ABI3BP: variants seen among roughly 807,000 people sequenced by gnomAD.
ABI3BP encodes the protein ABI family member 3 binding protein.
ABI3BP carries 216 observed loss-of-function variants against 268.6 expected under a neutral mutation model. The observed-to-expected ratio is 0.80, with a 90% CI of 0.72 to 0.90. The LOEUF is 0.90. Among genes scored for constraint, ABI3BP ranks in the 40% least tolerant of loss-of-function variants. The pLI is 0.00. For missense variants in ABI3BP, 2,090 were observed against 2,182.4 expected, an observed-to-expected ratio of 0.96 and a Z score of 0.84; for synonymous variants, 730 against 730.0, an observed-to-expected ratio of 1.00 and a Z score of 0.00.
intron 1 of ABI3BP, among the ~76,000 whole-genome samples, chr3:100,969,461 G>T (rs1198150359): frequency 6.6e-6 from 1 of 152,056 alleles, no homozygotes; most frequent in African/African-American, 2.4e-5. Flanking sequence ...GGATGGGCTC[G>T]CCCAATAAAT....
chr3:100,894,938 CAAAAAAA>C (rs58342344), intron 4 of ABI3BP, among the ~76,000 whole-genome samples: 36 of 37,722 alleles, frequency 9.5e-4, no homozygotes, highest in East Asian at 7.8e-3. Flanking sequence ...GATTCCGCTT[CAAAAAAA>C]AAAAAAAAAA....
At chr3:100,990,665 T>G (rs2092768492) in intron 1 of ABI3BP, among the ~76,000 whole-genome samples, 1 of 151,252 alleles carries the variant, frequency 6.6e-6, no homozygotes, top group Non-Finnish European at 1.5e-5. Context: ...AAAATACTGT[T>G]AAAGAAATTT....
intron 14 of ABI3BP, among the ~76,000 whole-genome samples, chr3:100,859,809 G>A (rs1355185456): frequency 6.6e-6 from 1 of 152,138 alleles, no homozygotes; most frequent in African/African-American, 2.4e-5. Context: ...TTGATTTGAG[G>A]CCTATGGTGC....
At chr3:100,825,501 C>T (rs1011039654) in intron 35 of ABI3BP, among the ~76,000 whole-genome samples, 11 of 151,984 alleles carry the variant, frequency 7.2e-5, no homozygotes, top group Non-Finnish European at 1.5e-4. Flanking sequence ...ATATAGAACT[C>T]GGCAAATGAA....
At chr3:100,874,757 T>C in intron 9 of ABI3BP, 84 bp downstream of exon 9, 1 of 816,444 alleles carries the variant, frequency 1.2e-6, no homozygotes, top group Non-Finnish European at 1.9e-6. Context: ...AACAGCTCAT[T>C]AGCAAGATTC....
chr3:100,939,616 T>C (rs1197927232), intron 1 of ABI3BP, among the ~76,000 whole-genome samples: 1 of 151,992 alleles, frequency 6.6e-6, no homozygotes, highest in Non-Finnish European at 1.5e-5. Context: ...TCAAGTACTT[T>C]ACAAGGTAAT....
At chr3:100,897,149 G>A (rs2153471825) in intron 4 of ABI3BP, among the ~76,000 whole-genome samples, 1 of 152,174 alleles carries the variant, frequency 6.6e-6, no homozygotes. Context: ...AAACTGTAAT[G>A]AAAAACTACT....
chr3:100,961,703 A>G (rs1366992960), intron 1 of ABI3BP, among the ~76,000 whole-genome samples: 1 of 152,194 alleles, frequency 6.6e-6, no homozygotes, highest in Non-Finnish European at 1.5e-5. Flanking sequence ...CCATAAAATT[A>G]CCTTCAATAA....
intron 14 of ABI3BP, among the ~76,000 whole-genome samples, chr3:100,855,900 C>T (rs988122): frequency 0.34 from 51,741 of 152,074 alleles, 9,201 homozygotes; most frequent in African/African-American, 0.43. Context: ...AAACAAAATA[C>T]CTTTCTAGTT....
At chr3:100,890,830 T>C (rs2044271405) in intron 4 of ABI3BP, among the ~76,000 whole-genome samples, 1 of 152,180 alleles carries the variant, frequency 6.6e-6, no homozygotes, top group East Asian at 1.9e-4. Flanking sequence ...TTCAGAGTCC[T>C]TTCTCCCCTC....
At chr3:100,849,930 G>A (rs1377578428) in intron 17 of ABI3BP, 115 bp downstream of exon 17, 3 of 827,920 alleles carry the variant, frequency 3.6e-6, no homozygotes, top group African/African-American at 3.4e-5. Flanking sequence ...AGACTGAAGG[G>A]AAATATTTAG....
chr3:100,786,703 T>G (rs1420931981), intron 57 of ABI3BP, among the ~76,000 whole-genome samples: 1 of 152,188 alleles, frequency 6.6e-6, no homozygotes, highest in African/African-American at 2.4e-5. Flanking sequence ...ATTGCTTATG[T>G]CAATCTGAAA....
intron 63 of ABI3BP, among the ~76,000 whole-genome samples, chr3:100,759,762 A>C (rs777316804): frequency 6.6e-6 from 1 of 152,166 alleles, no homozygotes; most frequent in Admixed American, 6.5e-5. Flanking sequence ...AAAGTTGTCA[A>C]ACTGAGCAAT....
At chr3:100,874,501 C>A (rs145121043) in intron 9 of ABI3BP, among the ~76,000 whole-genome samples, 43 of 152,180 alleles carry the variant, frequency 2.8e-4, no homozygotes, top group African/African-American at 1.0e-3. Context: ...CACATCAATT[C>A]TCATTGCAAA....
At chr3:100,765,336 C>A (rs1032378857) in intron 63 of ABI3BP, among the ~76,000 whole-genome samples, 1 of 152,138 alleles carries the variant, frequency 6.6e-6, no homozygotes, top group Admixed American at 6.5e-5. Flanking sequence ...TGTCAAAACC[C>A]TATTTCATTT....
chr3:100,830,745 A>G lies in ABI3BP; in HGVS notation c.2402-111T>C, dbSNP rs28449985. On this transcript the variant is annotated intron_variant, in intron 31 of 67. Transcript: ENST00000471714. ...TTCTAAGGCTGCAAAATTAATTCTTAATATCATAACTCAAAAGAAAGTGGC... is the reference window on the plus strand; with the variant it reads ...TTCTAAGGCTGCAAAATTAATTCTTGATATCATAACTCAAAAGAAAGTGGC... The G allele has an allele frequency of 1.5e-3, 1,220 of 805,628 alleles. 6 individuals carry two copies. In the African/African-American group the frequency reaches 0.019, roughly 12 times the overall value. The allele number at this position is 805,628 out of a possible 1,614,324, so 49.9% of individuals were successfully genotyped here.
chr3:100,837,438 A>C (rs58456336), intron 26 of ABI3BP: 3,464 of 332,982 alleles, frequency 0.01, 107 homozygotes, highest in African/African-American at 0.068. Flanking sequence ...TGTGGTAGAA[A>C]ATTACTCAGT....
chr3:100,897,615 C>A (rs1050134049), intron 4 of ABI3BP, among the ~76,000 whole-genome samples: 11 of 152,134 alleles, frequency 7.2e-5, no homozygotes, highest in African/African-American at 2.7e-4. Flanking sequence ...CAAAACTAAT[C>A]TATGGTGATA....
chr3:100,922,222 C>T (rs1295041187), intron 2 of ABI3BP, among the ~76,000 whole-genome samples: 1 of 152,184 alleles, frequency 6.6e-6, no homozygotes, highest in East Asian at 1.9e-4. Context: ...GTGAAAAATA[C>T]ATCCAGTAAA....
Sources: gnomAD v4.1 joint callset for allele counts (sites outside exome capture counted in the v4.1 genomes callset) on GRCh38, gnomAD v4.1.1 for gene constraint, MANE v1.5 for transcripts, NCBI Gene and HGNC (gene_info 2026-07-23, HGNC 2026-07-21) for gene names.